The following COL21A1 variants were observed in gnomAD, a reference collection of about 807,000 sequenced individuals.
The protein encoded by COL21A1 is collagen type XXI alpha 1 chain.
Under a neutral mutation model 137.9 loss-of-function variants are expected in COL21A1, and 149 were observed. The ratio of observed to expected loss-of-function variants is 1.08; its 90% CI spans 0.95 to 1.24. COL21A1 has a LOEUF of 1.24. Ranked by LOEUF, COL21A1 falls within the 50% of genes most tolerant of loss-of-function variation. The pLI, the probability that COL21A1 is intolerant of heterozygous loss-of-function variation, is 0.00. For synonymous variants in COL21A1, 456 were observed against 391.5 expected (o/e 1.16, Z -1.95); for missense variants, 1,167 against 1,158.4 (o/e 1.01, Z -0.11).
intron 1 of COL21A1, among the ~76,000 whole-genome samples, chr6:56,297,601 G>A (rs908729649): frequency 1.3e-5 from 2 of 152,072 alleles, no homozygotes; most frequent in African/African-American, 4.8e-5. Context: ...GGCTTCATGA[G>A]CAACTGGCTG....
intron 12 of COL21A1, among the ~76,000 whole-genome samples, chr6:56,134,545 G>T (rs1390792597): frequency 2.6e-5 from 4 of 152,172 alleles, no homozygotes; most frequent in African/African-American, 9.7e-5. Flanking sequence ...AGGCATGATT[G>T]GTTTTGAAAT....
chr6:56,275,509 T>A (rs1412492057), intron 1 of COL21A1, among the ~76,000 whole-genome samples: 2 of 151,066 alleles, frequency 1.3e-5, no homozygotes, highest in African/African-American at 4.9e-5. Context: ...CTAAAACAAA[T>A]CAACAAGGAA....
At chr6:56,387,612 G>C (rs765071244) in intron 1 of COL21A1, among the ~76,000 whole-genome samples, 1 of 152,170 alleles carries the variant, frequency 6.6e-6, no homozygotes, top group Non-Finnish European at 1.5e-5. Flanking sequence ...CTGTGTGCTT[G>C]GGAGAAAGAG....
intron 1 of COL21A1, among the ~76,000 whole-genome samples, chr6:56,265,644 A>T (rs1024556071): frequency 6.6e-6 from 1 of 152,238 alleles, no homozygotes; most frequent in Non-Finnish European, 1.5e-5. Flanking sequence ...CCCACTGGTG[A>T]CAGATCATAC....
At chr6:56,353,366 A>G (rs1374475848) in intron 1 of COL21A1, among the ~76,000 whole-genome samples, 1 of 152,144 alleles carries the variant, frequency 6.6e-6, no homozygotes, top group Non-Finnish European at 1.5e-5. Flanking sequence ...AGAGAGACAG[A>G]GATATGCCTG....
chr6:56,145,548 G>A (rs1774764443), intron 10 of COL21A1, among the ~76,000 whole-genome samples: 2 of 151,900 alleles, frequency 1.3e-5, no homozygotes, highest in Non-Finnish European at 2.9e-5. Context: ...ATTTCCAAGA[G>A]GAAAAAGAAA....
chr6:56,111,179 C>T (rs555819621), intron 16 of COL21A1, among the ~76,000 whole-genome samples: 1 of 149,674 alleles, frequency 6.7e-6, no homozygotes, highest in East Asian at 2.0e-4. Context: ...TAATCTGAAT[C>T]TAATCATGAG....
chr6:56,138,074 A>T (rs1774135121), intron 12 of COL21A1, among the ~76,000 whole-genome samples: 1 of 152,120 alleles, frequency 6.6e-6, no homozygotes, highest in Non-Finnish European at 1.5e-5. Context: ...TGCCATTGAA[A>T]GTAATGTCAA....
At chr6:56,302,467 C>T (rs1305924953) in intron 1 of COL21A1, among the ~76,000 whole-genome samples, 1 of 150,762 alleles carries the variant, frequency 6.6e-6, no homozygotes, top group African/African-American at 2.4e-5. Context: ...ATTTGCATTT[C>T]TCTGATGGCC....
chr6:56,279,303 T>G (rs2152333681), intron 1 of COL21A1, among the ~76,000 whole-genome samples: 1 of 152,306 alleles, frequency 6.6e-6, no homozygotes, highest in East Asian at 1.9e-4. Context: ...TAATTTTTCC[T>G]GTACAGCCTG....
chr6:56,198,309 C>T lies in COL21A1; in HGVS notation c.-38-15653G>A, dbSNP rs555850856. On this transcript the variant is annotated intron_variant, in intron 1 of 29. Transcript: ENST00000244728. ...GACCTAATGTACAGCATAGTAACTA[C>T]AGTTAATAATTTATTTTATACTTGA... 1.6e-4 allele frequency among the ~76,000 whole-genome samples: 25 copies of T among 152,092 alleles called. No homozygotes were observed. In the South Asian group the frequency reaches 5.0e-3, roughly 30 times the overall value.
chr6:56,099,302 C>G (rs1426774180), intron 17 of COL21A1, among the ~76,000 whole-genome samples: 2 of 145,054 alleles, frequency 1.4e-5, no homozygotes, highest in African/African-American at 5.2e-5. Flanking sequence ...GGCGCCATCT[C>G]GGCTCACTGC....
At chr6:56,137,552 C>T (rs749903110) in intron 12 of COL21A1, among the ~76,000 whole-genome samples, 6 of 152,124 alleles carry the variant, frequency 3.9e-5, no homozygotes, top group African/African-American at 7.2e-5. Flanking sequence ...CATTGAACTA[C>T]TCATGCCTAC....
chr6:56,192,579 T>C (rs1778761423), intron 1 of COL21A1, among the ~76,000 whole-genome samples: 1 of 151,838 alleles, frequency 6.6e-6, no homozygotes, highest in African/African-American at 2.4e-5. Context: ...AACAAGCATA[T>C]GAAAAAAGCT....
intron 20 of COL21A1, among the ~76,000 whole-genome samples, chr6:56,073,104 T>TA (rs200259517): frequency 3.7e-3 from 477 of 129,256 alleles, no homozygotes; most frequent in African/African-American, 5.1e-3. Context: ...GTGTATCTAA[T>TA]AAAAAAAAAA....
chr6:56,206,246 G>C (rs1246842580), intron 1 of COL21A1, among the ~76,000 whole-genome samples: 22 of 150,842 alleles, frequency 1.5e-4, no homozygotes, highest in Admixed American at 1.4e-3. Flanking sequence ...TCCAACTAAT[G>C]TGCAAAGACA....
chr6:56,250,781 T>C (rs1782836366), upstream of COL21A1, among the ~76,000 whole-genome samples: 1 of 152,206 alleles, frequency 6.6e-6, no homozygotes, highest in South Asian at 2.1e-4. Flanking sequence ...ACCCATATAT[T>C]CTAGCAAGGT....
At chr6:56,303,615 C>T (rs552492978) in intron 1 of COL21A1, among the ~76,000 whole-genome samples, 1 of 152,276 alleles carries the variant, frequency 6.6e-6, no homozygotes, top group African/African-American at 2.4e-5. Context: ...TGCCTATCAG[C>T]TTAAGGAGAT....
intron 3 of COL21A1, among the ~76,000 whole-genome samples, chr6:56,173,316 T>C (rs1386617640): frequency 6.6e-6 from 1 of 151,176 alleles, no homozygotes; most frequent in Non-Finnish European, 1.5e-5. Context: ...AGGTTGAAGC[T>C]GCAGTGAGCT....
Sources: allele counts gnomAD v4.1 joint callset (sites outside exome capture counted in the v4.1 genomes callset), GRCh38; gene constraint gnomAD v4.1.1; transcripts MANE v1.5; gene names NCBI Gene and HGNC (gene_info 2026-07-23, HGNC 2026-07-21).